Variants in GPLD1 observed in about 807,000 individuals in gnomAD.
GPLD1 encodes the protein glycosylphosphatidylinositol specific phospholipase D1.
GPLD1 carries 84 observed loss-of-function variants against 112.6 expected under a neutral mutation model. The ratio of observed to expected loss-of-function variants is 0.75; its 90% CI spans 0.63 to 0.89. GPLD1 has a LOEUF of 0.89. Among genes scored for constraint, GPLD1 ranks in the 40% least tolerant of loss-of-function variants. The pLI is 0.00. For synonymous variants in GPLD1, 386 were observed against 403.8 expected (o/e 0.96, Z 0.53); for missense variants, 1,044 against 1,051.5 (o/e 0.99, Z 0.10).
chr6:24,480,752 C>G (rs2127367333), intron 2 of GPLD1, among the ~76,000 whole-genome samples: 1 of 152,304 alleles, frequency 6.6e-6, no homozygotes, highest in East Asian at 1.9e-4. Flanking sequence ...TCACTTCCTT[C>G]CATTCCGAGT....
chr6:24,476,018 G>A (rs1290312239), intron 4 of GPLD1, among the ~76,000 whole-genome samples, 163 bp downstream of exon 4: 1 of 152,206 alleles, frequency 6.6e-6, no homozygotes, highest in Non-Finnish European at 1.5e-5. Flanking sequence ...AGTAATTCAA[G>A]TATTAGCTAG....
chr6:24,454,200 C>T lies in GPLD1; in HGVS notation c.1150G>A (p.Ala384Thr). ...LSFPYARLGW[A>T]MTSADLNQDG... ...TGGTTGAGGTCAGCTGAGGTCATTG[C>T]CCTTAGGGAAGTGAAGGGACCCACC... The change falls in exon 14 of 25, where the codon GCA becomes ACA. Residue 384 changes from alanine (A) to threonine (T), a missense_variant and splice_region_variant. Physicochemically the swap from Ala to Thr is moderately conservative, Grantham distance 58. Transcript: ENST00000230036. The T allele has an allele frequency of 6.2e-7, 1 of 1,606,838 alleles. No individual in the cohort carries two copies. The highest frequency in any genetic ancestry group is 8.5e-7 in the Non-Finnish European group (1 of 1,175,706).
chr6:24,445,432 A>T (rs1762878580), intron 20 of GPLD1, 114 bp downstream of exon 20: 4 of 682,494 alleles, frequency 5.9e-6, no homozygotes, highest in Non-Finnish European at 1.0e-5. Context: ...TGAAAAAAGG[A>T]AATATTGAAA....
chr6:24,490,575 G>A (rs1410924591), upstream of GPLD1, among the ~76,000 whole-genome samples: 2 of 151,826 alleles, frequency 1.3e-5, no homozygotes, highest in Non-Finnish European at 2.9e-5. Context: ...ACATAGTGAA[G>A]ACCCCGTCTC....
At position 24,466,618 on chromosome 6, in the gene GPLD1, T is replaced by C. The variant is rs1763625652; in HGVS notation, c.821+62A>G. On this transcript the variant is annotated intron_variant, in intron 10 of 24. Transcript: ENST00000230036. ...GATCAGTTGAAAAACCTGAGAGTTA[T>C]GTTGGGGGATGGGGTAAAAAGGCAG... 5 of 1,368,406 alleles carry C rather than the reference T, an allele frequency of 3.7e-6. No individual in the cohort carries two copies. The African/African-American group carries it at 7.2e-5, about 20-fold the overall frequency. The allele number at this position is 1,368,406 out of a possible 1,614,324, so 84.8% of individuals were successfully genotyped here.
intron 4 of GPLD1, 114 bp downstream of exon 4, chr6:24,476,067 G>A (rs968643669): frequency 3.2e-6 from 2 of 621,258 alleles, no homozygotes; most frequent in Non-Finnish European, 2.9e-6. Flanking sequence ...GACACTGAAG[G>A]TGGAATGGTG....
intron 12 of GPLD1, among the ~76,000 whole-genome samples, chr6:24,458,877 C>CA (rs71757341): frequency 0.38 from 54,880 of 142,886 alleles, 10,500 homozygotes; most frequent in Middle Eastern, 0.49. Context: ...GACTCTGTCT[C>CA]AAAAAAAAAA....
intron 6 of GPLD1, among the ~76,000 whole-genome samples, chr6:24,472,861 C>T (rs551577718): frequency 2.0e-5 from 3 of 151,708 alleles, no homozygotes; most frequent in East Asian, 1.9e-4. Context: ...CTGAAACCTC[C>T]GCCTCCTGGG....
intron 7 of GPLD1, among the ~76,000 whole-genome samples, chr6:24,472,339 A>G (rs925069080): frequency 6.6e-6 from 1 of 152,232 alleles, no homozygotes; most frequent in Non-Finnish European, 1.5e-5. Context: ...AGCTAATGGG[A>G]GCATAAGTTA....
At chr6:24,454,345 TTC>T in intron 13 of GPLD1, 144 bp from the exon 14 acceptor site, 2 of 511,724 alleles carry the variant, frequency 3.9e-6, no homozygotes, top group Non-Finnish European at 6.8e-6. Context: ...GAATATTCAC[TTC>T]TCAGGTTGTA....
chr6:24,450,500 C>CA lies in GPLD1; in HGVS notation c.1336-602dup, dbSNP rs1269675890. Among the ~76,000 whole-genome samples, 4 of 151,100 alleles carry CA rather than the reference C, an allele frequency of 2.6e-5. No homozygotes were observed. The South Asian group carries it at 8.4e-4, about 32-fold the overall frequency. On this transcript the variant is annotated intron_variant, in intron 14 of 24. Transcript: ENST00000230036. The stretch of plus-strand genomic sequence containing the variant: ...TAGGCAACACAGCGAGACTCCATCT[C>CA]AAAAAAACAAACAAACAAAAAAGAA...
chr6:24,436,845 C>T (rs1311401174), intron 21 of GPLD1, 109 bp from the exon 22 acceptor site: 11 of 1,071,526 alleles, frequency 1.0e-5, no homozygotes, highest in Non-Finnish European at 1.1e-5. Flanking sequence ...ATATTAGTAT[C>T]TCCTTTAGTC....
chr6:24,447,333 C>T (rs888768842), intron 17 of GPLD1, among the ~76,000 whole-genome samples: 2 of 148,056 alleles, frequency 1.4e-5, no homozygotes, highest in Non-Finnish European at 3.0e-5. Context: ...TGATGAAACC[C>T]CGTCTCTACT....
upstream of GPLD1, among the ~76,000 whole-genome samples, chr6:24,491,527 C>T (rs779296236): frequency 1.3e-5 from 2 of 152,012 alleles, no homozygotes; most frequent in Non-Finnish European, 2.9e-5. Context: ...GGCAAAATCC[C>T]GTCTCTACCA....
chr6:24,435,900 C>G (rs1479787093), intron 22 of GPLD1: 1 of 148,716 alleles, frequency 6.7e-6, no homozygotes, highest in East Asian at 2.0e-4. Context: ...TAAGGAAACT[C>G]ACCCAAAAAA....
chr6:24,463,586 A>C (rs1763504805), intron 10 of GPLD1, among the ~76,000 whole-genome samples: 1 of 152,198 alleles, frequency 6.6e-6, no homozygotes, highest in African/African-American at 2.4e-5. Flanking sequence ...CCACCACAGG[A>C]CACAAAAGGC....
Position 24,462,764 on chromosome 6 carries a change from TG to T in GPLD1, c.852del (p.Phe284LeufsTer25). ...TGGTTTTGCTGGCCGCCACATGCAATGAACAGAGGGTTCTCAGGCAGGTTGC... is the reference window on the plus strand; with the variant it reads ...TGGTTTTGCTGGCCGCCACATGCAATAACAGAGGGTTCTCAGGCAGGTTGC... The part of the protein sequence containing the change: ...SDCNLPENPL[F>X]IACGGQQNHT... On this transcript the variant is annotated frameshift_variant, in exon 11 of 25. Coordinates refer to ENST00000230036, the MANE Select transcript of GPLD1 (RefSeq NM_001503.4). LOFTEE classifies it high-confidence loss of function. 1 of 1,613,622 alleles carries T rather than the reference TG, an allele frequency of 6.2e-7. No homozygotes were observed. Among genetic ancestry groups the T allele is most frequent in the Non-Finnish European group, 8.5e-7 (1 of 1,179,486 alleles).
chr6:24,453,682 T>G (rs1251825113), intron 14 of GPLD1, among the ~76,000 whole-genome samples: 1 of 122,704 alleles, frequency 8.1e-6, no homozygotes, highest in Non-Finnish European at 1.7e-5. Context: ...TACAAAGTTT[T>G]ATAAATACAT....
chr6:24,437,014 TGTCA>T, intron 21 of GPLD1, 95 bp downstream of exon 21: 4 of 1,076,324 alleles, frequency 3.7e-6, no homozygotes, highest in African/African-American at 1.6e-5. Context: ...GCCACTGGGC[TGTCA>T]ATTATAAGGG....
Sources: gnomAD v4.1 joint callset for allele counts (sites outside exome capture counted in the v4.1 genomes callset) on GRCh38, gnomAD v4.1.1 for gene constraint, MANE v1.5 for transcripts, NCBI Gene and HGNC (gene_info 2026-07-23, HGNC 2026-07-21) for gene names.